The following LMO7 variants were observed in gnomAD, a reference collection of about 807,000 sequenced individuals.
LMO7 encodes LIM domain only protein 7.
A neutral mutation model predicts 206.5 loss-of-function variants in LMO7; 120 were observed. The ratio of observed to expected loss-of-function variants is 0.58; its 90% CI spans 0.50 to 0.68. The LOEUF (loss-of-function observed/expected upper bound fraction) is 0.68. Among genes scored for constraint, LMO7 ranks in the 30% least tolerant of loss-of-function variants. The pLI is 0.00. For synonymous variants in LMO7, 706 were observed against 681.5 expected (o/e 1.04, Z -0.56); for missense variants, 1,959 against 1,957.9 (o/e 1.00, Z -0.01).
At chr13:75,729,603 A>G (rs1428787240) in intron 3 of LMO7, among the ~76,000 whole-genome samples, 1,568 of 150,332 alleles carry the variant, frequency 0.01, 15 homozygotes, top group African/African-American at 0.037. Flanking sequence ...TCTTTTCCTA[A>G]TTGAATACCC....
chr13:75,766,265 C>A (rs963902496), intron 4 of LMO7, among the ~76,000 whole-genome samples: 3 of 117,010 alleles, frequency 2.6e-5, no homozygotes, highest in African/African-American at 9.8e-5. Flanking sequence ...TTTATGTGAG[C>A]TTTACCAGTA....
chr13:75,720,417 T>A (rs976337703), intron 2 of LMO7, among the ~76,000 whole-genome samples: 4 of 152,186 alleles, frequency 2.6e-5, no homozygotes, highest in African/African-American at 9.7e-5. Context: ...AAACCTAAAG[T>A]CTCTAGACTT....
At chr13:75,765,049 T>A (rs2048670371) in intron 4 of LMO7, among the ~76,000 whole-genome samples, 1 of 152,122 alleles carries the variant, frequency 6.6e-6, no homozygotes, top group Non-Finnish European at 1.5e-5. Context: ...CATATTCCCA[T>A]CAGGAAAATA....
At chr13:75,840,528 AG>A in intron 22 of LMO7, 33 bp downstream of exon 22, 2 of 1,606,664 alleles carry the variant, frequency 1.2e-6, no homozygotes, top group Non-Finnish European at 1.7e-6. Flanking sequence ...GGTAGAAACT[AG>A]GTTGGATTTC....
chr13:75,684,930 C>G (rs1330029135), intron 1 of LMO7, among the ~76,000 whole-genome samples: 1 of 152,144 alleles, frequency 6.6e-6, no homozygotes, highest in Non-Finnish European at 1.5e-5. Context: ...GTGATTTACA[C>G]TTATGCCAGC....
At chr13:75,781,258 C>T (rs971668749) in intron 4 of LMO7, among the ~76,000 whole-genome samples, 1 of 135,144 alleles carries the variant, frequency 7.4e-6, no homozygotes, top group Non-Finnish European at 1.6e-5. Flanking sequence ...GGTATATCTC[C>T]CAATGCTATC....
intron 1 of LMO7, among the ~76,000 whole-genome samples, chr13:75,654,412 G>A (rs755358421): frequency 3.9e-5 from 6 of 152,128 alleles, no homozygotes; most frequent in South Asian, 4.1e-4. Flanking sequence ...CCTTTTTCTC[G>A]TTTTCAGCTG....
intron 2 of LMO7, among the ~76,000 whole-genome samples, chr13:75,721,740 C>T (rs1185202659): frequency 6.6e-6 from 1 of 152,090 alleles, no homozygotes; most frequent in Admixed American, 6.5e-5. Context: ...TGGGCTGGTT[C>T]CACATTCTTG....
Position 75,727,027 on chromosome 13 carries a change from A to T in LMO7, c.141-2A>T. 1 of 1,534,300 alleles carries T rather than the reference A, an allele frequency of 6.5e-7. No homozygotes were observed. The highest frequency in any genetic ancestry group is 9.0e-7 in the Non-Finnish European group (1 of 1,108,714). ...TTGCATCTGTTATTTATTTACTTTC[A>T]GTTTGATTAATAAGCTTAAACCTGG... On this transcript the variant is annotated splice_acceptor_variant, in intron 2 of 30. Transcript: ENST00000377534. LOFTEE classifies it high-confidence loss of function.
intron 1 of LMO7, among the ~76,000 whole-genome samples, chr13:75,709,568 A>G (rs1307096777): frequency 1.3e-5 from 2 of 152,042 alleles, no homozygotes; most frequent in African/African-American, 2.4e-5. Context: ...GCATTTTTTC[A>G]TATGTCTTTT....
chr13:75,721,579 C>T (rs553022381), intron 2 of LMO7, among the ~76,000 whole-genome samples: 1 of 152,242 alleles, frequency 6.6e-6, no homozygotes, highest in South Asian at 2.1e-4. Context: ...GTTTTTCATT[C>T]CTGAGTTACT....
chr13:75,715,036 A>T (rs1305584609), intron 2 of LMO7, among the ~76,000 whole-genome samples: 1 of 152,334 alleles, frequency 6.6e-6, no homozygotes, highest in Middle Eastern at 3.4e-3. Flanking sequence ...TCTTTCAAAG[A>T]AGTAATTTTG....
At position 75,757,790 on chromosome 13, in the gene LMO7, C is replaced by CTG. The variant is rs57536883; in HGVS notation, c.211-3092_211-3091dup. Among the ~76,000 whole-genome samples the CTG allele has an allele frequency of 9.1e-4, 131 of 143,546 alleles. 1 individual carries two copies. Among genetic ancestry groups the CTG allele is most frequent in the South Asian group, 3.4e-3 (15 of 4,356 alleles). 94.2% of individuals were successfully genotyped at this position (143,546 alleles called of 152,430 possible). On this transcript the variant is annotated intron_variant, in intron 3 of 30. Transcript: ENST00000377534. Reference sequence around the variant, plus strand: ...TAGATACATTTAGGGCTCATTGTTTCTGTGTGTGTGTGTGTGTGTGTGTGT... The same window carrying CTG: ...TAGATACATTTAGGGCTCATTGTTTCTGTGTGTGTGTGTGTGTGTGTGTGTGT...
chr13:75,689,559 G>C (rs1279115692), intron 1 of LMO7, among the ~76,000 whole-genome samples: 1 of 152,194 alleles, frequency 6.6e-6, no homozygotes, highest in East Asian at 1.9e-4. Context: ...GGCTGGGAGA[G>C]ACAGACCCAC....
chr13:75,676,849 A>G (rs1421623172), intron 1 of LMO7, among the ~76,000 whole-genome samples: 4 of 152,216 alleles, frequency 2.6e-5, no homozygotes, highest in African/African-American at 9.6e-5. Context: ...CACATAAGGC[A>G]TTCCTAGTGG....
intron 4 of LMO7, among the ~76,000 whole-genome samples, chr13:75,781,357 T>C (rs1253249067): frequency 3.0e-5 from 4 of 134,990 alleles, no homozygotes; most frequent in Non-Finnish European, 6.2e-5. Flanking sequence ...AATTCCCACC[T>C]ATGAGTGAGA....
intron 2 of LMO7, among the ~76,000 whole-genome samples, chr13:75,625,311 C>T (rs139181209): frequency 1.6e-3 from 243 of 152,266 alleles, no homozygotes; most frequent in African/African-American, 5.7e-3. Context: ...AGACCATGCC[C>T]AGAGACCTAT....
intron 3 of LMO7, among the ~76,000 whole-genome samples, chr13:75,738,769 G>C (rs2046174921): frequency 6.6e-6 from 1 of 152,172 alleles, no homozygotes; most frequent in Non-Finnish European, 1.5e-5. Context: ...CTGATGGTAA[G>C]AAGAGCTATT....
At chr13:75,752,094 A>C (rs982345171) in intron 3 of LMO7, among the ~76,000 whole-genome samples, 6 of 152,072 alleles carry the variant, frequency 3.9e-5, no homozygotes, top group Admixed American at 1.3e-4. Context: ...CTCTCTCTCT[A>C]TATATGCAAC....
Sources: allele counts gnomAD v4.1 joint callset (sites outside exome capture counted in the v4.1 genomes callset), GRCh38; gene constraint gnomAD v4.1.1; transcripts MANE v1.5; gene names NCBI Gene and HGNC (gene_info 2026-07-23, HGNC 2026-07-21).